ZNF148: variants seen among roughly 807,000 people sequenced by gnomAD.
The protein encoded by ZNF148 is Beta-Enolase Repressor Factor-1.
A neutral mutation model predicts 67.7 loss-of-function variants in ZNF148; 7 were observed. The observed-to-expected ratio is 0.10, with a 90% CI of 0.06 to 0.19. The LOEUF is 0.19. Among genes scored for constraint, ZNF148 ranks in the 10% least tolerant of loss-of-function variants. The pLI is 1.00. For synonymous variants in ZNF148, 333 were observed against 330.7 expected, an observed-to-expected ratio of 1.01 and a Z score of -0.08; for missense variants, 583 against 947.1, an observed-to-expected ratio of 0.62 and a Z score of 5.05.
rs769827706 is a variant in ZNF148 at position 125,226,392 on chromosome 3, TCAAA to T, written c.*5945_*5948del. 6.6e-6 allele frequency: 1 copy of T among 152,348 alleles called. No homozygotes were observed. Among genetic ancestry groups the T allele is most frequent in the Non-Finnish European group, 1.5e-5 (1 of 68,030 alleles). 9.4% of individuals were successfully genotyped at this position (152,348 alleles called of 1,614,324 possible). A position where few individuals can be genotyped will look rare whatever the true frequency, so the allele number is the denominator to read the frequency against. On this transcript the variant is annotated 3_prime_UTR_variant, in exon 9 of 9. Transcript: ENST00000360647. ...AAAACTGTATTCTATATTTTATTTT[TCAAA>T]CAGCCAGTGTCCACATTTAAAATGC...
At chr3:125,355,726 TA>T (rs35258657) in intron 1 of ZNF148, among the ~76,000 whole-genome samples, 111,530 of 147,492 alleles carry the variant, frequency 0.76, 42,418 homozygotes, top group African/African-American at 0.85. Context: ...AGTCTCTATT[TA>T]AAAAAAAAAA....
chr3:125,329,207 C>T (rs1259798478), intron 2 of ZNF148, among the ~76,000 whole-genome samples: 2 of 148,804 alleles, frequency 1.3e-5, no homozygotes, highest in East Asian at 3.9e-4. Flanking sequence ...TGGAAAAACA[C>T]ATATATATCT....
Position 125,234,197 on chromosome 3 carries a change from G to A in ZNF148, c.786+14C>T. 2 of 1,508,700 alleles carry A rather than the reference G, an allele frequency of 1.3e-6. No homozygotes were observed. Among genetic ancestry groups the A allele is most frequent in the East Asian group, 2.3e-5 (1 of 43,912 alleles). The allele number at this position is 1,508,700 out of a possible 1,614,324, so 93.5% of individuals were successfully genotyped here. A position where few individuals can be genotyped will look rare whatever the true frequency, so the allele number is the denominator to read the frequency against. Reference sequence around the variant, plus strand: ...TTTAATTACAGTAGAAGAATTTCAAGCCATCTCTCTTACCTGTAAACAGTA... The same window carrying A: ...TTTAATTACAGTAGAAGAATTTCAAACCATCTCTCTTACCTGTAAACAGTA... On this transcript the variant is annotated intron_variant, in intron 8 of 8. Transcript: ENST00000360647.
chr3:125,304,952 A>C (rs1266965496), intron 4 of ZNF148, among the ~76,000 whole-genome samples: 1 of 152,216 alleles, frequency 6.6e-6, no homozygotes, highest in Non-Finnish European at 1.5e-5. Flanking sequence ...GTACTCAACG[A>C]CTGACGAGAT....
chr3:125,303,817 C>T (rs1939727182), intron 4 of ZNF148, among the ~76,000 whole-genome samples: 2 of 151,994 alleles, frequency 1.3e-5, no homozygotes, highest in South Asian at 4.1e-4. Flanking sequence ...AAACTGTCTT[C>T]CACAAAACTG....
intron 1 of ZNF148, among the ~76,000 whole-genome samples, chr3:125,349,418 G>C (rs1165606335): frequency 6.6e-6 from 1 of 152,076 alleles, no homozygotes; most frequent in African/African-American, 2.4e-5. Context: ...AATGGGAAAA[G>C]GACCTGAAAA....
intron 1 of ZNF148, among the ~76,000 whole-genome samples, chr3:125,355,941 G>C (rs1348703696): frequency 6.6e-6 from 1 of 152,106 alleles, no homozygotes; most frequent in East Asian, 1.9e-4. Flanking sequence ...AGAGATTAAT[G>C]ACATTAACTT....
At chr3:125,355,556 G>A (rs1469831720) in intron 1 of ZNF148, among the ~76,000 whole-genome samples, 1 of 152,098 alleles carries the variant, frequency 6.6e-6, no homozygotes, top group Non-Finnish European at 1.5e-5. Flanking sequence ...GATATAGGAG[G>A]AATGGCATAA....
At chr3:125,267,600 T>C (rs1475238218) in intron 7 of ZNF148, among the ~76,000 whole-genome samples, 2 of 152,144 alleles carry the variant, frequency 1.3e-5, no homozygotes, top group African/African-American at 2.4e-5. Context: ...GAGCCATCTA[T>C]GACAAACCAC....
intron 1 of ZNF148, among the ~76,000 whole-genome samples, chr3:125,336,755 C>T (rs868760288): frequency 2.1e-5 from 3 of 140,876 alleles, no homozygotes; most frequent in African/African-American, 5.5e-5. Context: ...CAGCTCACCA[C>T]AACCTCCACC....
chr3:125,263,343 G>A (rs1937424816), intron 7 of ZNF148, among the ~76,000 whole-genome samples: 1 of 152,178 alleles, frequency 6.6e-6, no homozygotes, highest in Non-Finnish European at 1.5e-5. Flanking sequence ...CTGAGGTGAG[G>A]AGTTCGAGAC....
At chr3:125,242,064 A>G (rs1168671400) in intron 7 of ZNF148, among the ~76,000 whole-genome samples, 3 of 152,168 alleles carry the variant, frequency 2.0e-5, no homozygotes, top group Admixed American at 2.0e-4. Flanking sequence ...TTGCTTGATG[A>G]CTTGAAATAG....
At chr3:125,359,351 G>C (rs145102692) in intron 1 of ZNF148, among the ~76,000 whole-genome samples, 1 of 152,314 alleles carries the variant, frequency 6.6e-6, no homozygotes, top group African/African-American at 2.4e-5. Context: ...CGTATTTTGT[G>C]CCTTGTCATA....
At chr3:125,336,861 G>C (rs1464149115) in intron 1 of ZNF148, among the ~76,000 whole-genome samples, 3 of 151,398 alleles carry the variant, frequency 2.0e-5, no homozygotes, top group African/African-American at 7.3e-5. Flanking sequence ...TATTTTAGTA[G>C]AGATGGGGTT....
intron 4 of ZNF148, 27 bp from the exon 5 acceptor site, chr3:125,288,255 TAGAC>T (rs769440074): frequency 6.3e-7 from 1 of 1,584,710 alleles, no homozygotes; most frequent in Admixed American, 1.9e-5. Flanking sequence ...AAGCCAATTT[TAGAC>T]ATAAATAAAA....
At chr3:125,266,421 C>A (rs1007542958) in intron 7 of ZNF148, among the ~76,000 whole-genome samples, 3 of 152,132 alleles carry the variant, frequency 2.0e-5, no homozygotes, top group African/African-American at 4.8e-5. Flanking sequence ...CCAAGAAGAA[C>A]CCTCAAAACC....
intron 1 of ZNF148, among the ~76,000 whole-genome samples, chr3:125,358,136 A>C (rs1011391755): frequency 6.6e-6 from 1 of 152,074 alleles, no homozygotes; most frequent in Non-Finnish European, 1.5e-5. Flanking sequence ...AAATGGTGAA[A>C]CCTCATCTCT....
chr3:125,283,046 A>T (rs534953614), intron 5 of ZNF148, among the ~76,000 whole-genome samples: 2 of 152,164 alleles, frequency 1.3e-5, no homozygotes, highest in Admixed American at 6.5e-5. Context: ...AAGAGAGTTT[A>T]CATTTCTCAC....
chr3:125,292,824 T>C (rs1394944948), intron 4 of ZNF148: 3 of 152,208 alleles, frequency 2.0e-5, no homozygotes, highest in African/African-American at 7.2e-5. Context: ...CAATAGTAGC[T>C]GCTTTTTAAA....
Sources: gnomAD v4.1 joint callset for allele counts (sites outside exome capture counted in the v4.1 genomes callset) on GRCh38, gnomAD v4.1.1 for gene constraint, MANE v1.5 for transcripts, NCBI Gene and HGNC (gene_info 2026-07-23, HGNC 2026-07-21) for gene names.